NFIA: variants seen among roughly 807,000 people sequenced by gnomAD.
NFIA encodes the protein nuclear factor 1 A-type.
Under a neutral mutation model 62.8 loss-of-function variants are expected in NFIA, and 8 were observed. That is an observed-to-expected ratio of 0.13 (90% confidence interval 0.07 to 0.23). The LOEUF (loss-of-function observed/expected upper bound fraction) is 0.23, where lower values mean the gene tolerates loss of function less well. NFIA is among the 10% of genes least tolerant of loss of function. The probability of loss-of-function intolerance (pLI) is 1.00; values close to 1 mark genes in which losing one functional copy is unlikely to be tolerated. For missense variants in NFIA, 410 were observed against 642.1 expected, an observed-to-expected ratio of 0.64 and a Z score of 3.91; for synonymous variants, 235 against 238.1, an observed-to-expected ratio of 0.99 and a Z score of 0.12.
intron 2 of NFIA, among the ~76,000 whole-genome samples, chr1:61,090,780 G>A (rs1646306418): frequency 6.6e-6 from 1 of 152,114 alleles, no homozygotes; most frequent in Admixed American, 6.6e-5. Flanking sequence ...TTTGGCCATT[G>A]GTTTTCACGG....
chr1:61,082,515 C>T (rs986654683), upstream of NFIA: 1 of 1,290,892 alleles, frequency 7.7e-7, no homozygotes, highest in African/African-American at 1.6e-5. Context: ...CCTTTAACAC[C>T]CGCGTACAGT....
At chr1:61,108,912 G>C (rs1206818562) in intron 2 of NFIA, among the ~76,000 whole-genome samples, 1 of 151,682 alleles carries the variant, frequency 6.6e-6, no homozygotes, top group South Asian at 2.1e-4. Context: ...AAAGAATGCA[G>C]TCATCTAAAA....
At chr1:61,424,994 T>C (rs1477931899) in intron 9 of NFIA, among the ~76,000 whole-genome samples, 4 of 152,210 alleles carry the variant, frequency 2.6e-5, no homozygotes, top group Non-Finnish European at 1.5e-5. Flanking sequence ...GTATGACATA[T>C]CATACATTTA....
intron 2 of NFIA, among the ~76,000 whole-genome samples, chr1:61,129,214 G>A (rs571610262): frequency 1.3e-5 from 2 of 151,884 alleles, no homozygotes; most frequent in African/African-American, 4.8e-5. Flanking sequence ...GAGCCACCGC[G>A]CCCGGCCTAC....
chr1:61,377,222 C>CAAA (rs112943071), intron 6 of NFIA, among the ~76,000 whole-genome samples: 6 of 150,364 alleles, frequency 4.0e-5, no homozygotes, highest in East Asian at 2.0e-4. Flanking sequence ...GACTCCATCT[C>CAAA]AAAAAAAAGA....
intron 7 of NFIA, among the ~76,000 whole-genome samples, chr1:61,401,310 A>ATGTTCT (rs1324005719): frequency 6.6e-6 from 1 of 152,166 alleles, no homozygotes; most frequent in African/African-American, 2.4e-5. Flanking sequence ...ATAGTACCAT[A>ATGTTCT]TGTTCTTGTG....
At chr1:61,212,020 A>G (rs1653295396) in intron 2 of NFIA, among the ~76,000 whole-genome samples, 1 of 152,194 alleles carries the variant, frequency 6.6e-6, no homozygotes, top group South Asian at 2.1e-4. Context: ...TTTAGTCTTC[A>G]TGAGTCTTAT....
At chr1:61,356,838 A>G (rs1469334114) in intron 5 of NFIA, among the ~76,000 whole-genome samples, 2 of 152,230 alleles carry the variant, frequency 1.3e-5, no homozygotes, top group Non-Finnish European at 2.9e-5. Flanking sequence ...GAATGCCAAC[A>G]TTAATAATTA....
intron 2 of NFIA, among the ~76,000 whole-genome samples, chr1:61,143,564 A>AT (rs1270306378): frequency 6.6e-6 from 1 of 151,778 alleles, no homozygotes; most frequent in Non-Finnish European, 1.5e-5. Flanking sequence ...TAATTTTTGT[A>AT]TTTTTTTGTA....
intron 2 of NFIA, among the ~76,000 whole-genome samples, chr1:61,253,101 G>A (rs994871333): frequency 6.6e-6 from 1 of 152,216 alleles, no homozygotes; most frequent in Admixed American, 6.5e-5. Flanking sequence ...TCTGAGTATA[G>A]GCACTGGCTG....
chr1:61,425,189 C>T (rs1159508161), intron 9 of NFIA, among the ~76,000 whole-genome samples: 1 of 152,136 alleles, frequency 6.6e-6, no homozygotes, highest in Non-Finnish European at 1.5e-5. Flanking sequence ...TTAGCTCTTA[C>T]CAAAGACAAC....
chr1:61,172,278 T>G (rs891942850), intron 2 of NFIA, among the ~76,000 whole-genome samples: 1 of 144,334 alleles, frequency 6.9e-6, no homozygotes, highest in Admixed American at 7.2e-5. Flanking sequence ...CAGAGGATGG[T>G]ATCCCCAGAG....
chr1:61,406,834 T>A (rs1665863556), intron 9 of NFIA, 107 bp downstream of exon 9: 1 of 1,251,846 alleles, frequency 8.0e-7, no homozygotes, highest in Non-Finnish European at 1.1e-6. Flanking sequence ...GAGGCACAGA[T>A]CCCCAGTGAT....
intron 3 of NFIA, among the ~76,000 whole-genome samples, chr1:61,331,483 G>A (rs1661295871): frequency 6.6e-6 from 1 of 152,202 alleles, no homozygotes; most frequent in South Asian, 2.1e-4. Context: ...TTTATGGATT[G>A]TTATATATTC....
intron 9 of NFIA, among the ~76,000 whole-genome samples, chr1:61,412,424 A>G (rs1185342472): frequency 6.6e-6 from 1 of 152,166 alleles, no homozygotes; most frequent in Non-Finnish European, 1.5e-5. Flanking sequence ...GGGTGATGAG[A>G]AGTAAGCGGG....
chr1:61,255,421 T>C lies in NFIA; in HGVS notation c.560-22099T>C, dbSNP rs778428431. Among the ~76,000 whole-genome samples, 55 of 152,246 alleles carry C rather than the reference T, an allele frequency of 3.6e-4. 2 individuals are homozygous for C. On this transcript the variant is annotated intron_variant, in intron 2 of 10. Coordinates refer to ENST00000403491, the MANE Select transcript of NFIA (RefSeq NM_001134673.4). ...TTATCAAGTACAGATATCATATGAT[T>C]TGCTTGAAATACTTTTGCATTATGC...
intron 2 of NFIA, among the ~76,000 whole-genome samples, chr1:61,183,583 G>A (rs918392430): frequency 5.9e-5 from 9 of 152,232 alleles, no homozygotes; most frequent in African/African-American, 2.2e-4. Flanking sequence ...TGGCCAATCA[G>A]ATGTGATCTT....
At position 61,453,683 on chromosome 1, in the gene NFIA, C is replaced by T. The variant is rs150438423; in HGVS notation, c.1513-1620C>T. Among the ~76,000 whole-genome samples, 5 of 152,176 alleles carry T rather than the reference C, an allele frequency of 3.3e-5. No individual in the cohort carries two copies. The East Asian group carries it at 7.7e-4, about 24-fold the overall frequency. On this transcript the variant is annotated intron_variant, in intron 10 of 10. Transcript: ENST00000403491. ...AACAGAAATAGTAAGCATTATTCCC[C>T]GCACCCAAAGTTTGAACCTGTTTTG...
chr1:61,218,181 C>G (rs1192919831), intron 2 of NFIA, among the ~76,000 whole-genome samples: 2 of 150,840 alleles, frequency 1.3e-5, no homozygotes, highest in African/African-American at 4.8e-5. Context: ...AATGGAGGTA[C>G]CACTCTGTTT....
Sources: gnomAD v4.1 joint callset for allele counts (sites outside exome capture counted in the v4.1 genomes callset) on GRCh38, gnomAD v4.1.1 for gene constraint, MANE v1.5 for transcripts, NCBI Gene and HGNC (gene_info 2026-07-23, HGNC 2026-07-21) for gene names.